KLC1: variants seen among roughly 807,000 people sequenced by gnomAD.
KLC1 encodes the protein kinesin 2 60/70kDa.
In KLC1, 30 loss-of-function variants were observed where a neutral mutation model predicts 84.2. The ratio of observed to expected loss-of-function variants is 0.36; its 90% CI spans 0.27 to 0.48. The LOEUF is 0.48. Among genes scored for constraint, KLC1 ranks in the 20% least tolerant of loss-of-function variants. KLC1 has a pLI of 0.99. For synonymous variants in KLC1, 289 were observed against 293.3 expected (o/e 0.99, Z 0.15); for missense variants, 499 against 805.4 (o/e 0.62, Z 4.60).
At chr14:103,647,621 T>C (rs2078048816) in intron 1 of KLC1, among the ~76,000 whole-genome samples, 1 of 151,484 alleles carries the variant, frequency 6.6e-6, no homozygotes, top group Non-Finnish European at 1.5e-5. Flanking sequence ...CTCACGCCTG[T>C]AATCCCAACA....
intron 1 of KLC1, 23 bp from the exon 2 acceptor site, chr14:103,654,541 T>A (rs746777692): frequency 6.4e-7 from 1 of 1,562,722 alleles, no homozygotes; most frequent in South Asian, 1.2e-5. Context: ...GGGATCTAAT[T>A]TCTTTTTCTT....
chr14:103,630,460 GAT>G (rs758498759), intron 1 of KLC1, among the ~76,000 whole-genome samples: 1 of 152,182 alleles, frequency 6.6e-6, no homozygotes, highest in Admixed American at 6.6e-5. Context: ...AAAAATTTGA[GAT>G]ATACTATTTC....
rs748403570 is a variant in KLC1 at position 103,669,615 on chromosome 14, C to T, written c.885+17C>T. On this transcript the variant is annotated intron_variant, in intron 6 of 16. Coordinates refer to ENST00000334553, the MANE Select transcript of KLC1 (RefSeq NM_001394837.1). Reference sequence around the variant, plus strand: ...CATCCTGCGGTTTGTATATCCAGTTCTTTCATTCTTTTAATATTTTATTTT... The same window carrying T: ...CATCCTGCGGTTTGTATATCCAGTTTTTTCATTCTTTTAATATTTTATTTT... The T allele has an allele frequency of 6.8e-7, 1 of 1,471,026 alleles. No homozygotes were observed. Among genetic ancestry groups the T allele is most frequent in the Non-Finnish European group, 9.5e-7 (1 of 1,053,508 alleles). The allele number at this position is 1,471,026 out of a possible 1,614,324, so 91.1% of individuals were successfully genotyped here.
At position 103,673,185 on chromosome 14, in the gene KLC1, C is replaced by G; in HGVS notation, c.1159C>G (p.Leu387Val). Residue 387 changes from leucine (L) to valine (V), a missense_variant and splice_region_variant, in exon 8 of 17, where the codon CTG (leucine) becomes GTG (valine). Around this residue, in one of 3 missense-constraint regions of KLC1, gnomAD observed 153 missense variants for 332.4 expected, o/e 0.46. Coordinates refer to ENST00000334553, the MANE Select transcript of KLC1 (RefSeq NM_001394837.1). Reference protein sequence around the residue: ...DPNVAKTKNNLASCYLKQGKF... With the variant: ...DPNVAKTKNNVASCYLKQGKF... ...CAACGTGGCTAAGACGAAAAATAAC[C>G]TGGTGTGTTGACTGCACAGCACTAG... is the stretch of plus-strand genomic sequence containing the variant. The G allele has an allele frequency of 6.2e-7, 1 of 1,612,264 alleles. No homozygotes were observed. Among genetic ancestry groups the G allele is most frequent in the Non-Finnish European group, 8.5e-7 (1 of 1,179,194 alleles).
Position 103,669,524 on chromosome 14 carries a change from T to C in KLC1, c.811T>C (p.Tyr271His), listed in dbSNP as rs1200975481. Reference sequence around the variant, plus strand: ...TTTTCCATTTAGGGATCAGAATAAATACAAAGATGCAGCTAACCTACTGAA... The same window carrying C: ...TTTTCCATTTAGGGATCAGAATAAACACAAAGATGCAGCTAACCTACTGAA... ...LALVYRDQNK[Y>H]KDAANLLNDA... Residue 271 changes from tyrosine (Y) to histidine (H), a missense_variant, in exon 6 of 17, where the codon TAC (tyrosine) becomes CAC (histidine). Tyr to His is a moderately conservative substitution (Grantham distance 83, BLOSUM62 2). This residue lies in a region of KLC1 where 153 missense variants were observed against 332.4 expected (regional missense o/e 0.46). Coordinates refer to ENST00000334553, the MANE Select transcript of KLC1 (RefSeq NM_001394837.1). 2 of 1,607,214 alleles carry C rather than the reference T, an allele frequency of 1.2e-6. No homozygotes were observed. The highest frequency in any genetic ancestry group is 1.7e-5 in the Admixed American group (1 of 59,974).
Position 103,679,492 on chromosome 14 carries a change from G to A in KLC1, c.1597G>A (p.Glu533Lys). ...CCTCAACGTGGACGTGGTCAAGTAC[G>A]AGAGTGGCCCTGACGGAGGGGAGGA... The part of the protein sequence containing the change: ...ESLNVDVVKY[E>K]SGPDGGEEVS... The change falls in exon 13 of 17, where the codon GAG (glutamate) becomes AAG (lysine). Residue 533 changes from glutamate (E) to lysine (K), a missense_variant. Glu to Lys is a moderately conservative substitution (Grantham distance 56). This residue lies in a region of KLC1 where 167 missense variants were observed against 208.8 expected (regional missense o/e 0.80). Coordinates refer to ENST00000334553, the MANE Select transcript of KLC1 (RefSeq NM_001394837.1). The A allele has an allele frequency of 6.2e-7, 1 of 1,614,092 alleles. No individual in the cohort carries two copies. The highest frequency in any genetic ancestry group is 8.5e-7 in the Non-Finnish European group (1 of 1,179,976).
At chr14:103,695,843 G>C in intron 15 of KLC1, 1 of 985,394 alleles carries the variant, frequency 1.0e-6, no homozygotes, top group Non-Finnish European at 1.2e-6. Context: ...CATAAAGGAA[G>C]GTTCGTGTTT....
rs903846665 is a variant in KLC1 at position 103,685,891 on chromosome 14, G to A, written c.1651-1190G>A. 6 of 1,138,894 alleles carry A rather than the reference G, an allele frequency of 5.3e-6. No homozygotes were observed. The African/African-American group carries it at 8.1e-5, about 15-fold the overall frequency. The allele number at this position is 1,138,894 out of a possible 1,614,324, so 70.5% of individuals were successfully genotyped here. ...ACTGTATTAATAAAATCCATTTACT[G>A]TGTAATACACGAGTTTAAAAATTAA... On this transcript the variant is annotated intron_variant, in intron 13 of 16. Transcript: ENST00000334553.
rs563835883 is a variant in KLC1 at position 103,691,522 on chromosome 14, G to A, written c.1782-837G>A. ...GTCTCACTCTTGCGTAGGCTGGAGT[G>A]CAGTGGCGTGATCTCAGCTCACTGC... On this transcript the variant is annotated intron_variant, in intron 14 of 16. Coordinates refer to ENST00000334553, the MANE Select transcript of KLC1 (RefSeq NM_001394837.1). Among the ~76,000 whole-genome samples the A allele has an allele frequency of 7.4e-4, 99 of 134,034 alleles. 1 individual carries two copies. Among genetic ancestry groups the A allele is most frequent in the African/African-American group, 2.7e-3 (96 of 35,308 alleles). 87.9% of individuals were successfully genotyped at this position (134,034 alleles called of 152,430 possible).
In KLC1 at chr14:103,700,715, C is replaced by A; in HGVS notation, c.1909C>A (p.Arg637Ser). 1 of 1,600,666 alleles carries A rather than the reference C, an allele frequency of 6.2e-7. No homozygotes were observed. Among genetic ancestry groups the A allele is most frequent in the Non-Finnish European group, 8.5e-7 (1 of 1,174,678 alleles). Residue 637 changes from arginine (R) to serine (S), a missense_variant, in exon 16 of 17, where the codon CGC (arginine) becomes AGC (serine). This residue lies in a region of KLC1 where 167 missense variants were observed against 208.8 expected (regional missense o/e 0.80). Transcript: ENST00000334553. ...ACAGCAGCAGCAGTGGCCTGGAAGA[C>A]GCCACCGCTAACGTGAGTCCCACGG... ...KRQQQQWPGRRHR is the reference protein window; with the variant it reads ...KRQQQQWPGRSHR
At chr14:103,690,736 T>C (rs1004153285) in intron 14 of KLC1, among the ~76,000 whole-genome samples, 2 of 152,254 alleles carry the variant, frequency 1.3e-5, no homozygotes, top group African/African-American at 4.8e-5. Context: ...AAGGCATCCA[T>C]GGTGGTGGTG....
chr14:103,697,422 G>A (rs958758262), intron 15 of KLC1, among the ~76,000 whole-genome samples: 3 of 152,190 alleles, frequency 2.0e-5, no homozygotes, highest in Non-Finnish European at 4.4e-5. Flanking sequence ...GGGCACATAA[G>A]GTGGGGGGTG....
intron 1 of KLC1, among the ~76,000 whole-genome samples, chr14:103,638,064 T>C (rs1294403511): frequency 6.6e-6 from 1 of 152,014 alleles, no homozygotes; most frequent in African/African-American, 2.4e-5. Context: ...CTCAGGACCC[T>C]CTTTGCTGGT....
At chr14:103,697,373 C>A (rs1434525463) in intron 15 of KLC1, among the ~76,000 whole-genome samples, 1 of 151,882 alleles carries the variant, frequency 6.6e-6, no homozygotes, top group South Asian at 2.1e-4. Flanking sequence ...GTGCCAGCCC[C>A]CCTTCCTCCC....
intron 15 of KLC1, chr14:103,697,152 A>G: frequency 5.1e-6 from 5 of 983,314 alleles, no homozygotes; most frequent in Non-Finnish European, 6.0e-6. Context: ...TTGCCATTGT[A>G]GAATTCCTGC....
rs562858478 is a variant in KLC1, at chr14:103,640,464, C to G, written c.-2+10970C>G. ...CAAGCGTCACCTCCCGGGTTCACGCCATTCTCCTGCCTCAGCCTCCTGAGT... is the reference window on the plus strand; with the variant it reads ...CAAGCGTCACCTCCCGGGTTCACGCGATTCTCCTGCCTCAGCCTCCTGAGT... On this transcript the variant is annotated intron_variant, in intron 1 of 16. Transcript: ENST00000334553. Among the ~76,000 whole-genome samples, 13 of 151,924 alleles carry G rather than the reference C, an allele frequency of 8.6e-5. No individual in the cohort carries two copies. In the South Asian group the frequency reaches 2.7e-3, roughly 32 times the overall value.
Position 103,662,218 on chromosome 14 carries a change from TGTTACCGAGTG to T in KLC1, c.571+25_571+35del, listed in dbSNP as rs761329965. 5.1e-6 allele frequency: 8 copies of T among 1,557,894 alleles called. No homozygotes were observed. In the East Asian group the frequency reaches 1.6e-4, roughly 31 times the overall value. ...AAGTGAGTGATGGGTGATGCAGGCA[TGTTACCGAGTG>T]CAGAAGAGAGGTGTTCCTCCTAGAA... On this transcript the variant is annotated intron_variant, in intron 4 of 16. Coordinates refer to ENST00000334553, the MANE Select transcript of KLC1 (RefSeq NM_001394837.1).
chr14:103,630,939 A>G (rs1567000099), intron 1 of KLC1, among the ~76,000 whole-genome samples: 1 of 152,118 alleles, frequency 6.6e-6, no homozygotes, highest in Admixed American at 6.6e-5. Flanking sequence ...CAGCCTTGGC[A>G]TTGTCTTAGA....
intron 9 of KLC1, among the ~76,000 whole-genome samples, chr14:103,674,542 G>A (rs1800903491): frequency 6.6e-6 from 1 of 151,774 alleles, no homozygotes; most frequent in Non-Finnish European, 1.5e-5. Flanking sequence ...AGCCTCCCGA[G>A]TAGCTGGGAT....
Sources: gnomAD v4.1 joint callset for allele counts (sites outside exome capture counted in the v4.1 genomes callset) on GRCh38, gnomAD v4.1.1 for gene constraint, gnomAD v4.1.1 regional missense constraint, MANE v1.5 for transcripts, NCBI Gene and HGNC (gene_info 2026-07-23, HGNC 2026-07-21) for gene names.